The following IFT80 variants were observed in gnomAD, a reference collection of about 807,000 sequenced individuals.
IFT80 encodes intraflagellar transport 80.
A neutral mutation model predicts 107.9 loss-of-function variants in IFT80; 79 were observed. The ratio of observed to expected loss-of-function variants is 0.73; its 90% CI spans 0.61 to 0.88. The LOEUF (loss-of-function observed/expected upper bound fraction) is 0.88. IFT80 is among the 40% of genes least tolerant of loss of function. The pLI, the probability that IFT80 is intolerant of heterozygous loss-of-function variation, is 0.00. For missense variants in IFT80, 797 were observed against 914.2 expected, an observed-to-expected ratio of 0.87 and a Z score of 1.65; for synonymous variants, 299 against 300.9, an observed-to-expected ratio of 0.99 and a Z score of 0.07.
chr3:160,297,844 C>T (rs1234561378), intron 12 of IFT80, among the ~76,000 whole-genome samples: 1 of 152,004 alleles, frequency 6.6e-6, no homozygotes, highest in Non-Finnish European at 1.5e-5. Context: ...TCTACTTTTT[C>T]CATAACTGTA....
At chr3:160,279,506 G>T in intron 15 of IFT80, 142 bp from the exon 16 acceptor site, 2 of 681,002 alleles carry the variant, frequency 2.9e-6, no homozygotes, top group Non-Finnish European at 5.2e-6. Flanking sequence ...GTTAACTCCA[G>T]GGAGAATGTA....
At chr3:160,351,110 A>C (rs1720667212) in intron 8 of IFT80, among the ~76,000 whole-genome samples, 1 of 151,976 alleles carries the variant, frequency 6.6e-6, no homozygotes, top group Non-Finnish European at 1.5e-5. Context: ...CTAAATCACC[A>C]AACTCCAGAC....
chr3:160,322,597 T>C (rs1350740370), intron 8 of IFT80, among the ~76,000 whole-genome samples: 1 of 152,168 alleles, frequency 6.6e-6, no homozygotes, highest in African/African-American at 2.4e-5. Flanking sequence ...TCTAGATCCC[T>C]GAGGAATCAC....
chr3:160,291,043 T>C lies in IFT80; in HGVS notation c.1316-5175A>G, dbSNP rs185485173. On this transcript the variant is annotated intron_variant, in intron 12 of 19. Coordinates refer to ENST00000326448, the MANE Select transcript of IFT80 (RefSeq NM_020800.3). ...TGGGAATCAATAAGATTACTCTAGT[T>C]CAACAGGCCTTTAATATCAATCAGT... Among the ~76,000 whole-genome samples the C allele has an allele frequency of 8.9e-4, 136 of 152,324 alleles. 2 individuals carry two copies. The highest frequency in any genetic ancestry group is 5.8e-4 in the East Asian group (3 of 5,184).
At chr3:160,300,475 A>C (rs1159345368) in intron 12 of IFT80, among the ~76,000 whole-genome samples, 3 of 152,180 alleles carry the variant, frequency 2.0e-5, no homozygotes, top group Non-Finnish European at 2.9e-5. Context: ...GAATTTAAAA[A>C]TATAAACAAA....
chr3:160,356,595 A>C (rs1721109276), intron 7 of IFT80, among the ~76,000 whole-genome samples: 1 of 152,164 alleles, frequency 6.6e-6, no homozygotes, highest in South Asian at 2.1e-4. Flanking sequence ...ATCATAGCTC[A>C]CTGCAGTCTT....
chr3:160,374,976 CA>C (rs1711886771), intron 5 of IFT80, among the ~76,000 whole-genome samples: 2 of 152,046 alleles, frequency 1.3e-5, no homozygotes, highest in Non-Finnish European at 2.9e-5. Flanking sequence ...AGTTAATATA[CA>C]GCTAAAGAAA....
intron 8 of IFT80, among the ~76,000 whole-genome samples, chr3:160,349,813 T>C (rs984134774): frequency 2.0e-5 from 3 of 152,144 alleles, no homozygotes; most frequent in Non-Finnish European, 2.9e-5. Flanking sequence ...CAGGTCTAAA[T>C]TGACACCATT....
intron 1 of IFT80, among the ~76,000 whole-genome samples, chr3:160,392,990 T>C (rs1221811535): frequency 6.6e-6 from 1 of 152,172 alleles, no homozygotes; most frequent in Non-Finnish European, 1.5e-5. Flanking sequence ...GAGGACTGCT[T>C]GAGCACAGGA....
chr3:160,361,473 A>G (rs1721487263), intron 6 of IFT80, among the ~76,000 whole-genome samples: 1 of 152,186 alleles, frequency 6.6e-6, no homozygotes, highest in African/African-American at 2.4e-5. Flanking sequence ...TCAACAAGAC[A>G]GAAGGTTAAC....
At chr3:160,394,700 A>G (rs1713644758) in intron 1 of IFT80, among the ~76,000 whole-genome samples, 1 of 152,168 alleles carries the variant, frequency 6.6e-6, no homozygotes, top group South Asian at 2.1e-4. Context: ...CAGTGAGCCA[A>G]GATTGTGCCA....
At chr3:160,378,427 T>C (rs150402471) in intron 3 of IFT80, among the ~76,000 whole-genome samples, 2 of 152,216 alleles carry the variant, frequency 1.3e-5, no homozygotes, top group African/African-American at 4.8e-5. Context: ...CTTAGCTCTG[T>C]CCATTGAAAG....
In IFT80 at chr3:160,279,188, A is replaced by G. The variant is rs373116334; in HGVS notation, c.1836+5T>C. The G allele has an allele frequency of 1.6e-5, 26 of 1,610,300 alleles. No homozygotes were observed. The highest frequency in any genetic ancestry group is 2.1e-5 in the Non-Finnish European group (25 of 1,176,838). On this transcript the variant is annotated splice_donor_5th_base_variant and intron_variant, in intron 16 of 19. Transcript: ENST00000326448. ...ATACAACTATGAATCTAAAATGTAAATTACCTTAACAAAGCGACAAAGTCT... is the reference window on the plus strand; with the variant it reads ...ATACAACTATGAATCTAAAATGTAAGTTACCTTAACAAAGCGACAAAGTCT...
chr3:160,373,115 C>A (rs1711661889), intron 5 of IFT80, among the ~76,000 whole-genome samples: 1 of 152,046 alleles, frequency 6.6e-6, no homozygotes, highest in Non-Finnish European at 1.5e-5. Context: ...GCCATGTTGC[C>A]CAGGCTGGTC....
intron 9 of IFT80, among the ~76,000 whole-genome samples, chr3:160,311,930 G>A (rs1717296177): frequency 2.0e-5 from 3 of 152,084 alleles, no homozygotes; most frequent in Admixed American, 6.5e-5. Context: ...ACAGGCGCCC[G>A]CCACCACACC....
intron 4 of IFT80, among the ~76,000 whole-genome samples, chr3:160,376,581 C>T (rs1470428758): frequency 6.6e-6 from 1 of 152,164 alleles, no homozygotes; most frequent in Non-Finnish European, 1.5e-5. Context: ...TCAAGAGGCA[C>T]AGTTTAATTT....
Position 160,290,400 on chromosome 3 carries a change from T to C in IFT80, c.1316-4532A>G, listed in dbSNP as rs143969477. ...TCCGGCCTGGGCAACAGCGCGAGACTGTCTCAAAAACAGAAAAAAAAAAAG... is the reference window on the plus strand; with the variant it reads ...TCCGGCCTGGGCAACAGCGCGAGACCGTCTCAAAAACAGAAAAAAAAAAAG... On this transcript the variant is annotated intron_variant, in intron 12 of 19. Coordinates refer to ENST00000326448, the MANE Select transcript of IFT80 (RefSeq NM_020800.3). Among the ~76,000 whole-genome samples, 584 of 140,380 alleles carry C rather than the reference T, an allele frequency of 4.2e-3. 1 individual carries two copies. The highest frequency in any genetic ancestry group is 0.024 in the Middle Eastern group (6 of 248). 92.1% of individuals were successfully genotyped at this position (140,380 alleles called of 152,430 possible).
rs181710360 is a variant in IFT80, at chr3:160,332,039, T to A, written c.778-12100A>T. 5.5e-3 allele frequency among the ~76,000 whole-genome samples: 843 copies of A among 152,278 alleles called. 7 individuals are homozygous for A. Among genetic ancestry groups the A allele is most frequent in the African/African-American group, 0.02 (812 of 41,542 alleles). On this transcript the variant is annotated intron_variant, in intron 8 of 19. Coordinates refer to ENST00000326448, the MANE Select transcript of IFT80 (RefSeq NM_020800.3). ...CCAGTCTGGATTTTGGCTTCTGCAT[T>A]CTCATGGTGTTATTTAACATTTCCT... is the stretch of plus-strand genomic sequence containing the variant.
intron 16 of IFT80, among the ~76,000 whole-genome samples, chr3:160,278,312 T>A (rs891984058): frequency 2.0e-5 from 3 of 152,140 alleles, no homozygotes; most frequent in African/African-American, 7.2e-5. Flanking sequence ...ATCTGTACAG[T>A]AAGGAGTATA....
Sources: gnomAD v4.1 joint callset for allele counts (sites outside exome capture counted in the v4.1 genomes callset) on GRCh38, gnomAD v4.1.1 for gene constraint, MANE v1.5 for transcripts, NCBI Gene and HGNC (gene_info 2026-07-23, HGNC 2026-07-21) for gene names.